CUX1: variants seen among roughly 807,000 people sequenced by gnomAD.
The protein encoded by CUX1 is protein CASP.
Under a neutral mutation model 158.8 loss-of-function variants are expected in CUX1, and 31 were observed. The ratio of observed to expected loss-of-function variants is 0.20; its 90% CI spans 0.15 to 0.26. CUX1 has a LOEUF of 0.26. Ranked by LOEUF, CUX1 falls within the 10% of genes least tolerant of loss-of-function variation. The pLI, the probability that CUX1 is intolerant of heterozygous loss-of-function variation, is 1.00. For synonymous variants in CUX1, 879 were observed against 862.1 expected (o/e 1.02, Z -0.34); for missense variants, 1,589 against 2,014.6 (o/e 0.79, Z 4.04).
intron 8 of CUX1, among the ~76,000 whole-genome samples, chr7:102,130,491 G>A (rs1338763196): frequency 6.6e-6 from 1 of 152,104 alleles, no homozygotes; most frequent in Admixed American, 6.6e-5. Flanking sequence ...GACCAGTCTG[G>A]CCAACATAGC....
chr7:102,025,773 C>T (rs12534969), intron 2 of CUX1, among the ~76,000 whole-genome samples: 18,919 of 152,144 alleles, frequency 0.12, 1,246 homozygotes, highest in Non-Finnish European at 0.15. Context: ...GAAATGCATC[C>T]TTTGGAACAG....
intron 3 of CUX1, among the ~76,000 whole-genome samples, chr7:102,060,041 C>T (rs1357236274): frequency 2.0e-5 from 3 of 151,826 alleles, no homozygotes; most frequent in Admixed American, 6.6e-5. Context: ...TTTGGGAGGC[C>T]GAGGTGGGCG....
At chr7:101,817,087 C>T (rs1275148487), upstream of CUX1, 2 of 984,508 alleles carry the variant, frequency 2.0e-6, no homozygotes, top group East Asian at 1.2e-4. The surrounding 1 kb of genome is among the most constrained non-coding windows in gnomAD (Gnocchi z 4.1). Context: ...GGGGGTGCCC[C>T]GCGCGCAGTG....
intron 2 of CUX1, among the ~76,000 whole-genome samples, chr7:101,937,989 A>C (rs1418880727): frequency 6.6e-6 from 1 of 152,210 alleles, no homozygotes; most frequent in Non-Finnish European, 1.5e-5. Flanking sequence ...CCCTCCTCAC[A>C]GAAAAGCCAG....
intron 20 of CUX1, among the ~76,000 whole-genome samples, chr7:102,210,195 C>T (rs1796383449): frequency 6.6e-6 from 1 of 152,168 alleles, no homozygotes; most frequent in South Asian, 2.1e-4. Context: ...CTCCGGGGTT[C>T]AAGTAATTCT....
At chr7:101,877,917 T>G (rs997199284) in intron 1 of CUX1, among the ~76,000 whole-genome samples, 3 of 152,142 alleles carry the variant, frequency 2.0e-5, no homozygotes, top group Admixed American at 1.3e-4. Context: ...GTACACCGTT[T>G]GACACAGGTG....
At chr7:102,118,910 T>C (rs1554492603) in intron 8 of CUX1, among the ~76,000 whole-genome samples, 1 of 151,908 alleles carries the variant, frequency 6.6e-6, no homozygotes, top group Non-Finnish European at 1.5e-5. Context: ...CGCCACCACA[T>C]CCAGCTAATT....
chr7:102,008,415 C>A (rs1166730014), intron 2 of CUX1, among the ~76,000 whole-genome samples: 1 of 152,092 alleles, frequency 6.6e-6, no homozygotes, highest in Non-Finnish European at 1.5e-5. Context: ...GCCCCCAGCC[C>A]AGCAAAGAGG....
At chr7:102,234,688 G>A (rs1554531982) in intron 22 of CUX1, among the ~76,000 whole-genome samples, 1 of 151,328 alleles carries the variant, frequency 6.6e-6, no homozygotes, top group Non-Finnish European at 1.5e-5. Flanking sequence ...GGGAGGCTGA[G>A]GCAGGCGGAT....
intron 8 of CUX1, among the ~76,000 whole-genome samples, chr7:102,145,792 C>A (rs1834966930): frequency 6.6e-6 from 1 of 151,994 alleles, no homozygotes; most frequent in Non-Finnish European, 1.5e-5. Context: ...ACTAAAAATA[C>A]AAAAATTAGC....
intron 1 of CUX1, among the ~76,000 whole-genome samples, chr7:101,889,457 A>AC: frequency 6.6e-6 from 1 of 152,204 alleles, no homozygotes; most frequent in African/African-American, 2.4e-5. Flanking sequence ...AGAAAAGTAA[A>AC]CCGATTTTTC....
intron 1 of CUX1, among the ~76,000 whole-genome samples, chr7:101,825,094 C>G (rs535935124): frequency 1.3e-4 from 20 of 152,192 alleles, no homozygotes; most frequent in Non-Finnish European, 2.6e-4. Flanking sequence ...CAGCAACCGC[C>G]CGGAGAATAC....
At chr7:102,270,381 C>A (rs117455042) in intron 14 of CUX1, among the ~76,000 whole-genome samples, 7 of 152,212 alleles carry the variant, frequency 4.6e-5, no homozygotes, top group Non-Finnish European at 1.0e-4. Flanking sequence ...TTCCTCCCAG[C>A]GTGGAGTGAC....
chr7:101,833,983 C>G (rs1187330979), intron 1 of CUX1, among the ~76,000 whole-genome samples: 2 of 151,932 alleles, frequency 1.3e-5, no homozygotes, highest in African/African-American at 4.8e-5. Flanking sequence ...GCCGGCCCCT[C>G]TGATCCTGTC....
At chr7:102,082,227 TA>T (rs1424986749) in intron 4 of CUX1, among the ~76,000 whole-genome samples, 3 of 145,872 alleles carry the variant, frequency 2.1e-5, no homozygotes, top group African/African-American at 7.3e-5. Flanking sequence ...ACCCCAAGAG[TA>T]AAAAAGTTTG....
intron 1 of CUX1, among the ~76,000 whole-genome samples, chr7:101,866,417 C>T (rs1021322292): frequency 1.3e-5 from 2 of 152,098 alleles, no homozygotes; most frequent in South Asian, 2.1e-4. Flanking sequence ...TGCGGTGAGC[C>T]GGGATTGCAC....
Position 102,252,114 on chromosome 7 carries a change from A to G in CUX1, c.*3072A>G. ...CAGTTCTGTGTATTTTTTTTCCTCT[A>G]TTATTTATTTTTTTAAAAAAAATAG... On this transcript the variant is annotated 3_prime_UTR_variant, in exon 24 of 24. Transcript: ENST00000292535. 1 of 983,830 alleles carries G rather than the reference A, an allele frequency of 1.0e-6. No homozygotes were observed. The highest frequency in any genetic ancestry group is 1.2e-6 in the Non-Finnish European group (1 of 828,770). The allele number at this position is 983,830 out of a possible 1,614,324, so 60.9% of individuals were successfully genotyped here.
chr7:102,002,551 C>T (rs888696561), intron 2 of CUX1, among the ~76,000 whole-genome samples: 12 of 152,168 alleles, frequency 7.9e-5, no homozygotes, highest in African/African-American at 2.4e-4. Flanking sequence ...GCGAGAGTTC[C>T]GAGTGGCCAG....
At chr7:101,897,486 C>G (rs998741609) in intron 1 of CUX1, among the ~76,000 whole-genome samples, 1 of 140,306 alleles carries the variant, frequency 7.1e-6, no homozygotes, top group Non-Finnish European at 1.5e-5. Context: ...GAGTGAAGGG[C>G]GAGATGTTGT....
Sources: gnomAD v4.1 joint callset for allele counts (sites outside exome capture counted in the v4.1 genomes callset) on GRCh38, gnomAD v4.1.1 for gene constraint, Gnocchi (gnomAD v3.1) non-coding constraint, MANE v1.5 for transcripts, NCBI Gene and HGNC (gene_info 2026-07-23, HGNC 2026-07-21) for gene names.